Variants in SPIDR observed in about 807,000 individuals in gnomAD.
SPIDR encodes scaffold protein involved in DNA repair, also known as DNA repair-scaffolding protein.
In SPIDR, 93 loss-of-function variants were observed where a neutral mutation model predicts 104.6. The observed-to-expected ratio is 0.89, with a 90% confidence interval of 0.75 to 1.06. The LOEUF is 1.06. SPIDR is among the 50% of genes least tolerant of loss of function. The pLI, the probability that SPIDR is intolerant of heterozygous loss-of-function variation, is 0.00. For synonymous variants in SPIDR, 431 were observed against 416.9 expected (o/e 1.03, Z -0.41); for missense variants, 1,154 against 1,111.2 (o/e 1.04, Z -0.55).
chr8:47,417,092 T>G (rs1164232585), intron 7 of SPIDR, among the ~76,000 whole-genome samples: 3 of 152,206 alleles, frequency 2.0e-5, no homozygotes, highest in Non-Finnish European at 4.4e-5. Context: ...AACATACATG[T>G]GCATGTGTCT....
At chr8:47,542,012 C>T (rs574436109) in intron 8 of SPIDR, among the ~76,000 whole-genome samples, 26 of 152,160 alleles carry the variant, frequency 1.7e-4, no homozygotes, top group African/African-American at 6.0e-4. Context: ...TGAAAGTCCC[C>T]CAGGCACATT....
intron 11 of SPIDR, among the ~76,000 whole-genome samples, chr8:47,675,615 A>C (rs1310944748): frequency 2.0e-5 from 3 of 152,168 alleles, no homozygotes; most frequent in Admixed American, 6.5e-5. Flanking sequence ...GTTTGAGACC[A>C]GCCTAGCCAA....
At chr8:47,486,831 A>T (rs1319471065) in intron 8 of SPIDR, among the ~76,000 whole-genome samples, 1 of 152,242 alleles carries the variant, frequency 6.6e-6, no homozygotes, top group Non-Finnish European at 1.5e-5. Context: ...GGCCTGCCCT[A>T]AAAGAGCTCC....
chr8:47,664,853 G>A (rs1223026115), intron 10 of SPIDR, among the ~76,000 whole-genome samples: 1 of 150,798 alleles, frequency 6.6e-6, no homozygotes, highest in Non-Finnish European at 1.5e-5. Flanking sequence ...CCAAGATTGT[G>A]CCACTGCACT....
chr8:47,551,083 C>T (rs770763738), intron 8 of SPIDR, among the ~76,000 whole-genome samples: 3 of 152,236 alleles, frequency 2.0e-5, no homozygotes, highest in Non-Finnish European at 2.9e-5. Context: ...TATTGATTTG[C>T]GTATGTTGAA....
chr8:47,288,701 A>G (rs1428521486), intron 3 of SPIDR, among the ~76,000 whole-genome samples: 1 of 152,266 alleles, frequency 6.6e-6, no homozygotes, highest in Non-Finnish European at 1.5e-5. Flanking sequence ...TTCTTAGAAT[A>G]TTCTGAATAG....
intron 5 of SPIDR, among the ~76,000 whole-genome samples, chr8:47,307,470 T>C (rs1049816698): frequency 5.3e-5 from 8 of 151,254 alleles, no homozygotes; most frequent in Non-Finnish European, 1.2e-4. Context: ...CCACCCACCT[T>C]GGCCTCCCAA....
intron 10 of SPIDR, among the ~76,000 whole-genome samples, chr8:47,647,616 A>AGAGAGAGAGAGAGAGAGAGAGAGAG (rs2070674174): frequency 1.7e-5 from 1 of 60,456 alleles, no homozygotes; most frequent in East Asian, 4.2e-4. Flanking sequence ...TCCATCTCGA[A>AGAGAGAGAGAGAGAGAGAGAGAGAG]AGAGAGAGAG....
chr8:47,647,696 G>A (rs1029414009), intron 10 of SPIDR, among the ~76,000 whole-genome samples: 8 of 151,382 alleles, frequency 5.3e-5, no homozygotes, highest in Admixed American at 4.6e-4. Context: ...GAGAGAGAGA[G>A]AAATGATGGT....
At chr8:47,467,633 C>G (rs2075095491) in intron 8 of SPIDR, among the ~76,000 whole-genome samples, 1 of 152,142 alleles carries the variant, frequency 6.6e-6, no homozygotes, top group South Asian at 2.1e-4. Flanking sequence ...TCAATAGATG[C>G]AGAAAACGCT....
At chr8:47,645,656 T>A (rs1345058266) in intron 10 of SPIDR, among the ~76,000 whole-genome samples, 2 of 152,148 alleles carry the variant, frequency 1.3e-5, no homozygotes, top group Admixed American at 1.3e-4. Flanking sequence ...AGTTAAAGGA[T>A]TTTTTTCACC....
intron 8 of SPIDR, among the ~76,000 whole-genome samples, chr8:47,503,466 G>A (rs1009647953): frequency 9.4e-5 from 14 of 148,390 alleles, no homozygotes; most frequent in Non-Finnish European, 1.5e-4. Flanking sequence ...AACCCCTGCC[G>A]TTTTTTGTTT....
At position 47,599,012 on chromosome 8, in the gene SPIDR, C is replaced by T. The variant is rs777715546; in HGVS notation, c.1360C>T (p.Arg454Cys). 35 of 1,613,290 alleles carry T rather than the reference C, an allele frequency of 2.2e-5. No individual in the cohort carries two copies. Among genetic ancestry groups the T allele is most frequent in the Middle Eastern group, 1.6e-4 (1 of 6,084 alleles). The change falls in exon 10 of 20, where the codon CGC becomes TGC. Residue 454 changes from arginine to cysteine, a missense_variant. Transcript: ENST00000297423. ...CCATGGGCACAAAGAAGCAAAACAG[C>T]GCATCCCAACCAGCACTCCCCTGAG... ...WTHGHKEAKQ[R>C]IPTSTPLRDS...
chr8:47,434,161 T>TATC (rs1356467326), intron 7 of SPIDR, among the ~76,000 whole-genome samples: 2 of 152,194 alleles, frequency 1.3e-5, no homozygotes, highest in Non-Finnish European at 2.9e-5. Flanking sequence ...GATGAATTAT[T>TATC]ATCATCACAG....
At position 47,595,899 on chromosome 8, in the gene SPIDR, A is replaced by G. The variant is rs756737601; in HGVS notation, c.1186A>G (p.Lys396Glu). ...AGTTGTTGCCAAAGAAGATTCAGAA[A>G]AAACTTGTGAAGTGTACTGTCCGGA... ...EKVVAKEDSE[K>E]TCEVYCPDIP... The change falls in exon 9 of 20, where the codon AAA becomes GAA. Residue 396 changes from lysine (K) to glutamate (E), a missense_variant. Lys to Glu is a moderately conservative substitution (Grantham distance 56). Coordinates refer to ENST00000297423, the MANE Select transcript of SPIDR (RefSeq NM_001080394.4). 1 of 1,614,234 alleles carries G rather than the reference A, an allele frequency of 6.2e-7. No homozygotes were observed. The highest frequency in any genetic ancestry group is 8.5e-7 in the Non-Finnish European group (1 of 1,180,036).
At position 47,735,632 on chromosome 8, in the gene SPIDR, C is replaced by T. The variant is rs2086174861; in HGVS notation, c.*182C>T. Reference sequence around the variant, plus strand: ...GTTTTGTGAACTGTAAATCAAAATACCTTTTTCTACAGTTTATCTTTTATT... The same window carrying T: ...GTTTTGTGAACTGTAAATCAAAATATCTTTTTCTACAGTTTATCTTTTATT... On this transcript the variant is annotated 3_prime_UTR_variant, in exon 20 of 20. Transcript: ENST00000297423. 7 of 1,193,440 alleles carry T rather than the reference C, an allele frequency of 5.9e-6. No individual in the cohort carries two copies. Among genetic ancestry groups the T allele is most frequent in the Admixed American group, 3.0e-5 (1 of 33,802 alleles). 73.9% of individuals were successfully genotyped at this position (1,193,440 alleles called of 1,614,324 possible). A position where few individuals can be genotyped will look rare whatever the true frequency, so the allele number is the denominator to read the frequency against.
intron 6 of SPIDR, among the ~76,000 whole-genome samples, chr8:47,405,868 T>A (rs1293143118): frequency 1.3e-5 from 2 of 152,194 alleles, no homozygotes; most frequent in African/African-American, 2.4e-5. Flanking sequence ...CTCAAGTTCT[T>A]AAGTTCAAGT....
chr8:47,329,171 C>T (rs1452224285), intron 5 of SPIDR, among the ~76,000 whole-genome samples: 3 of 151,440 alleles, frequency 2.0e-5, no homozygotes, highest in East Asian at 3.9e-4. Flanking sequence ...CCTGGGTTCA[C>T]GCCATTCTCC....
chr8:47,322,566 G>C (rs1485072282), intron 5 of SPIDR, among the ~76,000 whole-genome samples: 1 of 152,168 alleles, frequency 6.6e-6, no homozygotes, highest in Non-Finnish European at 1.5e-5. Context: ...AATACCATTT[G>C]ACCCAGCCAT....
Sources: gnomAD v4.1 joint callset for allele counts (sites outside exome capture counted in the v4.1 genomes callset) on GRCh38, gnomAD v4.1.1 for gene constraint, MANE v1.5 for transcripts, NCBI Gene and HGNC (gene_info 2026-07-23, HGNC 2026-07-21) for gene names.